MPP7: variants seen among roughly 807,000 people sequenced by gnomAD.
The protein encoded by MPP7 is MAGUK p55 subfamily member 7.
A neutral mutation model predicts 76.5 loss-of-function variants in MPP7; 60 were observed. The observed-to-expected ratio is 0.78, with a 90% confidence interval of 0.64 to 0.97. MPP7 has a LOEUF of 0.97. Ranked by LOEUF, MPP7 falls within the 50% of genes least tolerant of loss-of-function variation. The probability of loss-of-function intolerance (pLI) is 0.00; values close to 1 mark genes in which losing one functional copy is unlikely to be tolerated. For missense variants in MPP7, 641 were observed against 694.0 expected (o/e 0.92, Z 0.86); for synonymous variants, 237 against 244.5 (o/e 0.97, Z 0.29).
chr10:28,060,566 T>A (rs1201333858), intron 13 of MPP7, among the ~76,000 whole-genome samples: 2 of 152,182 alleles, frequency 1.3e-5, no homozygotes, highest in Non-Finnish European at 1.5e-5. Flanking sequence ...TAACTCTATT[T>A]TCCTCTTAGC....
rs113778533 is a variant in MPP7, at chr10:28,228,717, C to T, written c.37+9851G>A. On this transcript the variant is annotated intron_variant, in intron 2 of 16. Coordinates refer to ENST00000683449, the MANE Select transcript of MPP7 (RefSeq NM_001318170.2). ...CAGAGGTTGCAGTGAGCTGAGATCA[C>T]ACCACTGCACTCCAGCCTGGGTGAC... Among the ~76,000 whole-genome samples, 659 of 151,986 alleles carry T rather than the reference C, an allele frequency of 4.3e-3. 7 individuals carry two copies. Among genetic ancestry groups the T allele is most frequent in the African/African-American group, 0.015 (623 of 41,434 alleles).
At chr10:28,329,996 C>A (rs1442641195) in exon 2 of MPP7, 2 of 152,164 alleles carry the variant, frequency 1.3e-5, no homozygotes, top group Non-Finnish European at 1.5e-5. Context: ...TTCTCCTTTT[C>A]TTCCTGCTTT....
At chr10:28,054,709 C>T (rs1851488740) in intron 16 of MPP7, among the ~76,000 whole-genome samples, 1 of 152,164 alleles carries the variant, frequency 6.6e-6, no homozygotes, top group African/African-American at 2.4e-5. Context: ...TAGAGTCTCA[C>T]TCTGTCACCC....
At chr10:28,219,424 C>A (rs1201151677) in intron 2 of MPP7, among the ~76,000 whole-genome samples, 1 of 152,050 alleles carries the variant, frequency 6.6e-6, no homozygotes, top group Admixed American at 6.5e-5. Flanking sequence ...TCCAGATGCT[C>A]AACATTCCTG....
rs200656300 is a variant in MPP7, at chr10:28,131,585, C to G, written c.422G>C (p.Arg141Pro). 3.1e-6 allele frequency: 5 copies of G among 1,601,062 alleles called. No individual in the cohort carries two copies. ...DDEEDSVKII[R>P]LVKNREPLGA... Reference sequence around the variant, plus strand: ...CAGTGGTTCTCTATTTTTGACCAGACGGATTATTTTTACTGAGTCTTCCTC... The same window carrying G: ...CAGTGGTTCTCTATTTTTGACCAGAGGGATTATTTTTACTGAGTCTTCCTC... The change falls in exon 6 of 17, where the codon CGT (arginine) becomes CCT (proline). Residue 141 changes from arginine (R) to proline (P), a missense_variant. Physicochemically the swap from Arg to Pro is moderately radical, Grantham distance 103. Coordinates refer to ENST00000683449, the MANE Select transcript of MPP7 (RefSeq NM_001318170.2).
intron 3 of MPP7, among the ~76,000 whole-genome samples, chr10:28,181,047 G>A (rs1837041978): frequency 6.6e-6 from 1 of 152,150 alleles, no homozygotes. Context: ...TTTTGATTCA[G>A]AATGGATCAC....
At chr10:28,076,093 T>A (rs1309892571) in intron 12 of MPP7, among the ~76,000 whole-genome samples, 1 of 152,218 alleles carries the variant, frequency 6.6e-6, no homozygotes. Flanking sequence ...TAGAAGTTGC[T>A]GGAATTCACA....
At chr10:28,166,185 A>G (rs1204429221) in intron 3 of MPP7, among the ~76,000 whole-genome samples, 1 of 151,914 alleles carries the variant, frequency 6.6e-6, no homozygotes, top group East Asian at 1.9e-4. Flanking sequence ...CTACTCTTTT[A>G]TTCTTTATCT....
chr10:28,268,887 C>G (rs944522079), intron 1 of MPP7, among the ~76,000 whole-genome samples: 1 of 151,954 alleles, frequency 6.6e-6, no homozygotes, highest in South Asian at 2.1e-4. Context: ...CCACTGCACT[C>G]CAGCCTGGGC....
At chr10:28,320,233 T>C (rs960853420) in intron 2 of MPP7, among the ~76,000 whole-genome samples, 1 of 152,050 alleles carries the variant, frequency 6.6e-6, no homozygotes, top group African/African-American at 2.4e-5. Flanking sequence ...TTGGGATGCA[T>C]CATGAATAAA....
intron 2 of MPP7, among the ~76,000 whole-genome samples, chr10:28,207,609 C>T (rs779398112): frequency 7.3e-5 from 11 of 151,574 alleles, no homozygotes; most frequent in South Asian, 6.2e-4. Flanking sequence ...CACTTGAGCC[C>T]AGGAGGTAAA....
chr10:28,133,809 A>C (rs1835270366), intron 5 of MPP7, among the ~76,000 whole-genome samples: 1 of 152,138 alleles, frequency 6.6e-6, no homozygotes, highest in Non-Finnish European at 1.5e-5. Context: ...AAATTATATA[A>C]TTAGAATTAC....
chr10:28,201,701 A>G (rs909848712), intron 3 of MPP7, among the ~76,000 whole-genome samples: 2 of 152,216 alleles, frequency 1.3e-5, no homozygotes, highest in Non-Finnish European at 2.9e-5. Flanking sequence ...AGTTCTGCCA[A>G]TAAAAGGAAC....
intron 1 of MPP7, among the ~76,000 whole-genome samples, chr10:28,268,007 C>T (rs565094639): frequency 4.9e-4 from 74 of 151,756 alleles, no homozygotes; most frequent in Non-Finnish European, 7.4e-4. Flanking sequence ...TGTACTCCAC[C>T]CAGGCTGGTG....
At chr10:28,265,195 A>G (rs1487383395) in intron 1 of MPP7, among the ~76,000 whole-genome samples, 2 of 152,216 alleles carry the variant, frequency 1.3e-5, no homozygotes, top group African/African-American at 4.8e-5. Flanking sequence ...CAGGTTAAAG[A>G]TGCAAAAACG....
At chr10:28,202,642 T>A (rs1837816299) in intron 2 of MPP7, among the ~76,000 whole-genome samples, 3 of 152,198 alleles carry the variant, frequency 2.0e-5, no homozygotes, top group Non-Finnish European at 2.9e-5. Flanking sequence ...GAGTTATGAA[T>A]AGGAAAAACT....
intron 3 of MPP7, among the ~76,000 whole-genome samples, chr10:28,200,802 G>C (rs551871652): frequency 6.6e-6 from 1 of 152,128 alleles, no homozygotes; most frequent in Non-Finnish European, 1.5e-5. Flanking sequence ...AGGAAACTGA[G>C]ATAGTAGCTA....
chr10:28,093,054 T>G (rs566111847), intron 11 of MPP7, among the ~76,000 whole-genome samples: 43 of 152,218 alleles, frequency 2.8e-4, no homozygotes, highest in African/African-American at 9.4e-4. Context: ...TGGCCCAGAC[T>G]GTAGCCCAGT....
intron 2 of MPP7, among the ~76,000 whole-genome samples, chr10:28,234,353 G>A (rs953081595): frequency 1.3e-5 from 2 of 152,048 alleles, no homozygotes; most frequent in African/African-American, 4.8e-5. Context: ...CTGAATGACT[G>A]AATAAATTAA....
Sources: gnomAD v4.1 joint callset for allele counts (sites outside exome capture counted in the v4.1 genomes callset) on GRCh38, gnomAD v4.1.1 for gene constraint, MANE v1.5 for transcripts, NCBI Gene and HGNC (gene_info 2026-07-23, HGNC 2026-07-21) for gene names.